CGNL1: variants seen among roughly 807,000 people sequenced by gnomAD.
CGNL1 encodes cingulin like 1, also known as cingulin-like protein 1.
A neutral mutation model predicts 141.2 loss-of-function variants in CGNL1; 132 were observed. That is an observed-to-expected ratio of 0.93 (90% CI 0.81 to 1.08). The LOEUF is 1.08. Ranked by LOEUF, CGNL1 falls within the 50% of genes least tolerant of loss-of-function variation. The probability of loss-of-function intolerance (pLI) is 0.00; values close to 1 mark genes in which losing one functional copy is unlikely to be tolerated. For missense variants in CGNL1, 1,870 were observed against 1,588.6 expected (o/e 1.18, Z -3.01); for synonymous variants, 690 against 622.1 (o/e 1.11, Z -1.63).
At position 57,438,067 on chromosome 15, in the gene CGNL1, G is replaced by T. The variant is rs1486761943; in HGVS notation, c.68G>T (p.Ser23Ile). Residue 23 changes from serine to isoleucine, a missense_variant, in exon 2 of 19, where the codon AGT becomes ATT. By Grantham distance (142) the Ser-to-Ile change is moderately radical. Coordinates refer to ENST00000281282, the MANE Select transcript of CGNL1 (RefSeq NM_032866.5). ...QEYGVHLRLA[S>I]DDTQKSRSSQ... is the part of the protein sequence containing the mutation. Reference sequence around the variant, plus strand: ...TATGGGGTCCATCTGAGACTCGCAAGTGATGATACCCAAAAATCAAGGAGT... The same window carrying T: ...TATGGGGTCCATCTGAGACTCGCAATTGATGATACCCAAAAATCAAGGAGT... 6.2e-6 allele frequency: 10 copies of T among 1,614,084 alleles called. No homozygotes were observed. In the African/African-American group the frequency reaches 1.1e-4, roughly 17 times the overall value.
Position 57,490,752 on chromosome 15 carries a change from A to T in CGNL1, c.2404-26028A>T, listed in dbSNP as rs149995716. On this transcript the variant is annotated intron_variant, in intron 8 of 18. Coordinates refer to ENST00000281282, the MANE Select transcript of CGNL1 (RefSeq NM_032866.5). Reference sequence around the variant, plus strand: ...GGATGAAGTGGGGGAGAAAAGAGTCACTTTTTCTGGTGGACTGGGGAGTCA... The same window carrying T: ...GGATGAAGTGGGGGAGAAAAGAGTCTCTTTTTCTGGTGGACTGGGGAGTCA... Among the ~76,000 whole-genome samples the T allele has an allele frequency of 6.8e-4, 104 of 152,274 alleles. 1 individual carries two copies. The highest frequency in any genetic ancestry group is 2.4e-3 in the African/African-American group (100 of 41,556).
chr15:57,471,013 G>C (rs140195438), intron 8 of CGNL1, among the ~76,000 whole-genome samples: 8 of 152,288 alleles, frequency 5.3e-5, no homozygotes, highest in African/African-American at 1.4e-4. Context: ...TGCTGACTTT[G>C]TACCCAACTT....
chr15:57,423,163 A>C (rs1022636996), intron 1 of CGNL1, among the ~76,000 whole-genome samples: 1 of 152,212 alleles, frequency 6.6e-6, no homozygotes, highest in East Asian at 1.9e-4. Flanking sequence ...AACACAGACC[A>C]TACCTCTTCA....
chr15:57,415,349 G>T (rs1489179117), intron 1 of CGNL1, among the ~76,000 whole-genome samples: 1 of 152,210 alleles, frequency 6.6e-6, no homozygotes, highest in Non-Finnish European at 1.5e-5. Context: ...TTATATGGGA[G>T]ACAGGGAGGC....
At chr15:57,448,064 T>C (rs2063278720) in intron 4 of CGNL1, among the ~76,000 whole-genome samples, 1 of 152,112 alleles carries the variant, frequency 6.6e-6, no homozygotes, top group African/African-American at 2.4e-5. Flanking sequence ...CCTGGGAGTT[T>C]GGGAGGCCGA....
chr15:57,436,179 T>C (rs1165075025), intron 1 of CGNL1, among the ~76,000 whole-genome samples: 1 of 152,202 alleles, frequency 6.6e-6, no homozygotes, highest in Non-Finnish European at 1.5e-5. Flanking sequence ...CTCCTCTCTC[T>C]TTTTACTAAC....
At chr15:57,501,931 C>G (rs1475366506) in intron 8 of CGNL1, among the ~76,000 whole-genome samples, 1 of 152,138 alleles carries the variant, frequency 6.6e-6, no homozygotes, top group Non-Finnish European at 1.5e-5. Context: ...TGGGGACTTC[C>G]TTTGGTTGGT....
chr15:57,446,172 A>T lies in CGNL1; in HGVS notation c.1803+3694A>T, dbSNP rs542910241. 3.3e-5 allele frequency among the ~76,000 whole-genome samples: 5 copies of T among 152,338 alleles called. No homozygotes were observed. The South Asian group carries it at 8.3e-4, about 25-fold the overall frequency. On this transcript the variant is annotated intron_variant, in intron 4 of 18. Transcript: ENST00000281282. ...GCTTTGGGTATAACTTAGCAAACAG[A>T]TAAGTCTTCAACAAATATCTGTTTT...
chr15:57,473,909 T>TCC (rs2063616865), intron 8 of CGNL1, among the ~76,000 whole-genome samples: 8 of 128,710 alleles, frequency 6.2e-5, no homozygotes, highest in Non-Finnish European at 1.3e-4. Context: ...CTTTTTTTTT[T>TCC]TTTTTTTTTT....
chr15:57,379,550 C>T (rs199627278), intron 1 of CGNL1, among the ~76,000 whole-genome samples: 17 of 152,118 alleles, frequency 1.1e-4, no homozygotes, highest in African/African-American at 3.9e-4. Context: ...TCTCTTTCCC[C>T]GTGAAACCCA....
At chr15:57,496,729 T>C (rs1177718703) in intron 8 of CGNL1, among the ~76,000 whole-genome samples, 1 of 152,230 alleles carries the variant, frequency 6.6e-6, no homozygotes, top group East Asian at 1.9e-4. Flanking sequence ...CATGGAATCC[T>C]GGCTGTGTGC....
At chr15:57,457,613 C>T (rs562073330) in intron 7 of CGNL1, among the ~76,000 whole-genome samples, 11 of 152,162 alleles carry the variant, frequency 7.2e-5, no homozygotes, top group Non-Finnish European at 1.3e-4. Flanking sequence ...AGGGAGGCCT[C>T]ATAATCGTGG....
chr15:57,502,948 C>G (rs1221898720), intron 8 of CGNL1, among the ~76,000 whole-genome samples: 1 of 152,162 alleles, frequency 6.6e-6, no homozygotes, highest in African/African-American at 2.4e-5. Context: ...CTCCAGTGTT[C>G]CTTCTATTTA....
intron 8 of CGNL1, among the ~76,000 whole-genome samples, chr15:57,475,261 C>G (rs956213199): frequency 9.2e-5 from 14 of 152,236 alleles, no homozygotes; most frequent in African/African-American, 3.1e-4. Context: ...CCTGCCTTTG[C>G]AACCCTGGCC....
intron 8 of CGNL1, among the ~76,000 whole-genome samples, chr15:57,502,547 T>G (rs1333064543): frequency 1.3e-5 from 2 of 152,162 alleles, no homozygotes; most frequent in East Asian, 3.8e-4. Flanking sequence ...CTGTTTTAAT[T>G]TATCTGGAGA....
intron 8 of CGNL1, among the ~76,000 whole-genome samples, chr15:57,504,029 G>A (rs755756634): frequency 2.0e-5 from 3 of 152,246 alleles, no homozygotes; most frequent in Admixed American, 6.5e-5. Context: ...TGCTGAGTAC[G>A]CTGGGAGTGG....
At chr15:57,544,762 CAG>C (rs1289209763) in intron 16 of CGNL1, among the ~76,000 whole-genome samples, 165 bp downstream of exon 16, 2 of 152,194 alleles carry the variant, frequency 1.3e-5, no homozygotes, top group Non-Finnish European at 2.9e-5. Flanking sequence ...GGTGGGAAAA[CAG>C]AGACCCATCA....
rs1421628630 is a variant in CGNL1 at position 57,461,818 on chromosome 15, G to C, written c.2329G>C (p.Glu777Gln). Residue 777 changes from glutamate (E) to glutamine (Q), a missense_variant, in exon 8 of 19, where the codon GAG becomes CAG. Glu to Gln is a conservative substitution (Grantham distance 29, BLOSUM62 2). Coordinates refer to ENST00000281282, the MANE Select transcript of CGNL1 (RefSeq NM_032866.5). Reference sequence around the variant, plus strand: ...AGAAGAGGTTTCCAGCCATGATCAGGAGATGGACAAGCTGAAGGAGCAATA... The same window carrying C: ...AGAAGAGGTTTCCAGCCATGATCAGCAGATGGACAAGCTGAAGGAGCAATA... Reference protein sequence around the residue: ...LKEEVSSHDQEMDKLKEQYDA... With the variant: ...LKEEVSSHDQQMDKLKEQYDA... The C allele has an allele frequency of 5.0e-6, 8 of 1,613,998 alleles. No individual in the cohort carries two copies. In the Admixed American group the frequency reaches 8.3e-5, roughly 17 times the overall value.
At chr15:57,504,064 A>G (rs566147026) in intron 8 of CGNL1, among the ~76,000 whole-genome samples, 1 of 152,284 alleles carries the variant, frequency 6.6e-6, no homozygotes, top group East Asian at 1.9e-4. Context: ...TCCAGTTTAC[A>G]GAGCAGGAAA....
Sources: gnomAD v4.1 joint callset for allele counts (sites outside exome capture counted in the v4.1 genomes callset) on GRCh38, gnomAD v4.1.1 for gene constraint, MANE v1.5 for transcripts, NCBI Gene and HGNC (gene_info 2026-07-23, HGNC 2026-07-21) for gene names.